The following SGCD variants were observed in gnomAD, a reference collection of about 807,000 sequenced individuals.
The protein encoded by SGCD is delta-sarcoglycan.
Under a neutral mutation model 36.6 loss-of-function variants are expected in SGCD, and 18 were observed. The ratio of observed to expected loss-of-function variants is 0.49; its 90% confidence interval spans 0.34 to 0.73. SGCD has a LOEUF of 0.73. Among genes scored for constraint, SGCD ranks in the 30% least tolerant of loss-of-function variants. The pLI is 0.01. For missense variants in SGCD, 387 were observed against 346.7 expected (o/e 1.12, Z -0.92); for synonymous variants, 133 against 130.6 (o/e 1.02, Z -0.12).
intron 1 of SGCD, among the ~76,000 whole-genome samples, chr5:155,963,436 T>C (rs2113453230): frequency 6.6e-6 from 1 of 152,162 alleles, no homozygotes; most frequent in South Asian, 2.1e-4. Context: ...CATGTATGAG[T>C]CTCTCTCAGT....
chr5:156,013,623 G>A (rs553148857), intron 1 of SGCD, among the ~76,000 whole-genome samples: 334 of 152,064 alleles, frequency 2.2e-3, no homozygotes, highest in Middle Eastern at 3.4e-3. Context: ...TCAGGAATTC[G>A]TAGACCATTA....
At chr5:155,906,536 T>G (rs1037992472) in intron 1 of SGCD, among the ~76,000 whole-genome samples, 1 of 152,102 alleles carries the variant, frequency 6.6e-6, no homozygotes, top group Non-Finnish European at 1.5e-5. Context: ...AACACACAAG[T>G]GATAAGAAAG....
chr5:156,433,595 A>G (rs937879444), intron 3 of SGCD, among the ~76,000 whole-genome samples: 4 of 152,192 alleles, frequency 2.6e-5, no homozygotes, highest in African/African-American at 4.8e-5. Flanking sequence ...TAGTGTGGCA[A>G]TCATGTAGGA....
At chr5:156,428,093 T>C (rs1339003768) in intron 3 of SGCD, among the ~76,000 whole-genome samples, 1 of 152,188 alleles carries the variant, frequency 6.6e-6, no homozygotes, top group African/African-American at 2.4e-5. Context: ...TCTTGTGGAA[T>C]ACTGTCAATA....
chr5:155,903,020 T>C (rs1486361015), intron 1 of SGCD, among the ~76,000 whole-genome samples: 1 of 152,244 alleles, frequency 6.6e-6, no homozygotes, highest in Non-Finnish European at 1.5e-5. Flanking sequence ...TGATTATTTA[T>C]GTACTTGAAC....
the SGCD span, among the ~76,000 whole-genome samples, chr5:155,744,584 G>T: frequency 6.6e-6 from 1 of 152,194 alleles, no homozygotes; most frequent in East Asian, 1.9e-4. Context: ...GAACTTGTTA[G>T]AACTTTTTGA....
chr5:156,239,735 T>C (rs1399044190), intron 3 of SGCD, among the ~76,000 whole-genome samples: 3 of 152,318 alleles, frequency 2.0e-5, no homozygotes, highest in African/African-American at 7.2e-5. Flanking sequence ...AAAGTATTTA[T>C]TCTCTAAACC....
rs1005933524 is a variant in SGCD, at chr5:155,950,193, C to T, written c.-282+79769C>T. ...TAAACAATATTATCAGAACCTGTGT[C>T]TCTACTCCGTTCTTTGAATTAATCC... is the stretch of plus-strand genomic sequence containing the variant. On this transcript the variant is annotated intron_variant, in intron 1 of 9. Coordinates refer to the SGCD transcript ENST00000517913. Among the ~76,000 whole-genome samples the T allele has an allele frequency of 4.6e-5, 7 of 152,290 alleles. No individual in the cohort carries two copies. In the East Asian group the frequency reaches 1.4e-3, roughly 29 times the overall value.
chr5:156,231,403 G>A (rs974033666), intron 3 of SGCD, among the ~76,000 whole-genome samples: 16 of 152,148 alleles, frequency 1.1e-4, no homozygotes, highest in African/African-American at 3.6e-4. Context: ...GGGCATGGTG[G>A]CACGTGCTTG....
At chr5:156,597,559 A>G (rs1043530042) in intron 6 of SGCD, among the ~76,000 whole-genome samples, 18 of 152,260 alleles carry the variant, frequency 1.2e-4, no homozygotes, top group Middle Eastern at 6.8e-3. Context: ...ATTATCTCCA[A>G]CTGGGTTCAT....
chr5:156,390,306 T>G (rs2127754216), intron 3 of SGCD, among the ~76,000 whole-genome samples: 1 of 152,334 alleles, frequency 6.6e-6, no homozygotes, highest in East Asian at 1.9e-4. Flanking sequence ...GACAACTTCG[T>G]ACACATTATT....
chr5:156,403,758 G>T (rs553096231), intron 3 of SGCD, among the ~76,000 whole-genome samples: 75 of 152,270 alleles, frequency 4.9e-4, no homozygotes, highest in African/African-American at 1.8e-3. Flanking sequence ...CTGGTTTATG[G>T]AGGGTTTTTT....
intron 3 of SGCD, among the ~76,000 whole-genome samples, chr5:156,439,694 C>T (rs1039140039): frequency 7.9e-5 from 12 of 152,218 alleles, no homozygotes; most frequent in African/African-American, 2.9e-4. Flanking sequence ...AATGTTACAC[C>T]AATAAGAATG....
chr5:156,682,955 G>A (rs901358395), intron 7 of SGCD, among the ~76,000 whole-genome samples: 9 of 152,124 alleles, frequency 5.9e-5, no homozygotes, highest in East Asian at 3.8e-4. Flanking sequence ...ACATTCACAC[G>A]GGAAGTTTAA....
At chr5:155,852,212 C>A in the SGCD span, among the ~76,000 whole-genome samples, 2 of 152,168 alleles carry the variant, frequency 1.3e-5, no homozygotes, top group Non-Finnish European at 2.9e-5. Context: ...CTATCACTTT[C>A]CAAGGTGCCT....
chr5:155,996,747 C>G (rs192568012), intron 1 of SGCD, among the ~76,000 whole-genome samples: 246 of 149,662 alleles, frequency 1.6e-3, no homozygotes, highest in Non-Finnish European at 2.8e-3. Context: ...CCATTGCACT[C>G]CAGCCTGTGT....
intron 1 of SGCD, among the ~76,000 whole-genome samples, chr5:156,042,378 G>A (rs2127578645): frequency 6.6e-6 from 1 of 152,104 alleles, no homozygotes; most frequent in East Asian, 1.9e-4. Context: ...ACACAAATTG[G>A]GATGACTCCA....
intron 3 of SGCD, among the ~76,000 whole-genome samples, chr5:156,388,794 A>G (rs905796432): frequency 6.6e-6 from 1 of 152,262 alleles, no homozygotes; most frequent in African/African-American, 2.4e-5. Context: ...GAGGAATAAT[A>G]GCAATCCATT....
At chr5:156,683,889 C>G (rs1211995330) in intron 7 of SGCD, among the ~76,000 whole-genome samples, 1 of 152,156 alleles carries the variant, frequency 6.6e-6, no homozygotes, top group Non-Finnish European at 1.5e-5. Flanking sequence ...TATTCTAATT[C>G]AAGGGAAACT....
Sources: gnomAD v4.1 joint callset for allele counts (sites outside exome capture counted in the v4.1 genomes callset) on GRCh38, gnomAD v4.1.1 for gene constraint, MANE v1.5 for transcripts, NCBI Gene and HGNC (gene_info 2026-07-23, HGNC 2026-07-21) for gene names.